Variants in TSHZ3 observed in about 807,000 individuals in gnomAD.
The protein encoded by TSHZ3 is teashirt zinc finger homeobox 3.
A neutral mutation model predicts 64.5 loss-of-function variants in TSHZ3; 10 were observed. The observed-to-expected ratio is 0.16, with a 90% CI of 0.10 to 0.26. The LOEUF (loss-of-function observed/expected upper bound fraction) is 0.26. Among genes scored for constraint, TSHZ3 ranks in the 10% least tolerant of loss-of-function variants. The pLI, the probability that TSHZ3 is intolerant of heterozygous loss-of-function variation, is 1.00. For synonymous variants in TSHZ3, 608 were observed against 593.1 expected (o/e 1.03, Z -0.36); for missense variants, 1,242 against 1,421.7 (o/e 0.87, Z 2.03).
At chr19:31,344,676 A>G (rs1917532723) in intron 1 of TSHZ3, among the ~76,000 whole-genome samples, 1 of 152,226 alleles carries the variant, frequency 6.6e-6, no homozygotes, top group African/African-American at 2.4e-5. Flanking sequence ...CAAGAGGTCC[A>G]GGCACTCTGC....
intron 3 of TSHZ3, among the ~76,000 whole-genome samples, chr19:31,241,212 A>G (rs1391125036): frequency 6.6e-6 from 1 of 152,154 alleles, no homozygotes; most frequent in African/African-American, 2.4e-5. Flanking sequence ...GCTTGGTTTT[A>G]TGTTTTTTAA....
At chr19:31,300,538 G>GA (rs1976736757) in intron 1 of TSHZ3, among the ~76,000 whole-genome samples, 2 of 152,284 alleles carry the variant, frequency 1.3e-5, no homozygotes, top group South Asian at 4.2e-4. Flanking sequence ...ACCAAAGGGT[G>GA]AATTCCTAGG....
chr19:31,236,838 C>T (rs548002423), intron 3 of TSHZ3, among the ~76,000 whole-genome samples: 1 of 152,248 alleles, frequency 6.6e-6, no homozygotes, highest in African/African-American at 2.4e-5. Flanking sequence ...AAGCAAAAAG[C>T]TTTTGTACAG....
chr19:31,210,514 C>G (rs1380621040), intron 4 of TSHZ3, among the ~76,000 whole-genome samples: 2 of 152,240 alleles, frequency 1.3e-5, no homozygotes, highest in South Asian at 4.1e-4. Context: ...GGGCCTCAGG[C>G]TGCTTCCAGG....
At chr19:31,179,821 A>T (rs955458408) in intron 5 of TSHZ3, among the ~76,000 whole-genome samples, 1 of 112,502 alleles carries the variant, frequency 8.9e-6, no homozygotes, top group African/African-American at 4.7e-5. Context: ...GGTGGTGGTG[A>T]TGATGGAGGT....
At chr19:31,245,863 A>G (rs1975752669) in intron 1 of TSHZ3, among the ~76,000 whole-genome samples, 1 of 152,180 alleles carries the variant, frequency 6.6e-6, no homozygotes, top group Non-Finnish European at 1.5e-5. Context: ...ATTGGAATCC[A>G]TTTGTAATAT....
intron 3 of TSHZ3, among the ~76,000 whole-genome samples, chr19:31,240,246 G>A (rs1456095352): frequency 2.6e-5 from 4 of 151,982 alleles, no homozygotes; most frequent in Admixed American, 6.6e-5. Flanking sequence ...CAAGCACCAC[G>A]AAAGCATTTG....
chr19:31,336,811 A>T (rs1034832950), intron 1 of TSHZ3, among the ~76,000 whole-genome samples: 1 of 152,160 alleles, frequency 6.6e-6, no homozygotes, highest in Non-Finnish European at 1.5e-5. Context: ...ACTTTGTGTC[A>T]AGCCCTTCAA....
intron 5 of TSHZ3, among the ~76,000 whole-genome samples, chr19:31,192,299 T>C (rs1974922643): frequency 6.6e-6 from 1 of 151,662 alleles, no homozygotes; most frequent in South Asian, 2.1e-4. Context: ...CTTTTGGGGG[T>C]TTCAACCACA....
At chr19:31,295,726 T>C (rs1216718758) in intron 1 of TSHZ3, among the ~76,000 whole-genome samples, 5 of 152,026 alleles carry the variant, frequency 3.3e-5, no homozygotes, top group Non-Finnish European at 7.4e-5. Context: ...CCTACACTTA[T>C]ATTCGTATGC....
intron 5 of TSHZ3, among the ~76,000 whole-genome samples, chr19:31,187,451 C>G (rs921645702): frequency 6.6e-6 from 1 of 151,614 alleles, no homozygotes; most frequent in Non-Finnish European, 1.5e-5. Context: ...TCCAATTTAT[C>G]AGTTTTCTCT....
chr19:31,285,552 G>T (rs1976445130), intron 1 of TSHZ3, among the ~76,000 whole-genome samples: 1 of 151,450 alleles, frequency 6.6e-6, no homozygotes, highest in South Asian at 2.1e-4. Flanking sequence ...GGAGGCCGAG[G>T]CTGGGAGATT....
chr19:31,285,477 C>CA (rs397859442), intron 1 of TSHZ3, among the ~76,000 whole-genome samples: 66,081 of 132,368 alleles, frequency 0.5, 16,219 homozygotes, highest in East Asian at 0.81. Context: ...GATTCTGTCT[C>CA]AAAAAAAAAA....
exon 3 of TSHZ3, among the ~76,000 whole-genome samples, chr19:31,242,318 G>T (rs1262472332): frequency 6.6e-6 from 1 of 152,220 alleles, no homozygotes; most frequent in African/African-American, 2.4e-5. Context: ...GCAAGCTGGA[G>T]ACCCAGGGAT....
chr19:31,237,410 C>A (rs1284814508), intron 3 of TSHZ3, among the ~76,000 whole-genome samples: 2 of 151,836 alleles, frequency 1.3e-5, no homozygotes. Context: ...ATTTTAAATT[C>A]TTCTAAATAT....
At chr19:31,350,605 G>A (rs549541091), upstream of TSHZ3, among the ~76,000 whole-genome samples, 1 of 151,664 alleles carries the variant, frequency 6.6e-6, no homozygotes, top group South Asian at 2.1e-4. Context: ...TAGAGGGATT[G>A]ATTATTGATT....
At chr19:31,177,315 G>A (rs914859290) in intron 5 of TSHZ3, among the ~76,000 whole-genome samples, 1 of 152,224 alleles carries the variant, frequency 6.6e-6, no homozygotes, top group Non-Finnish European at 1.5e-5. Flanking sequence ...TGTGCCCCCA[G>A]AAGCTGCAGG....
At chr19:31,158,171 G>A (rs1974329858) in intron 5 of TSHZ3, among the ~76,000 whole-genome samples, 1 of 152,160 alleles carries the variant, frequency 6.6e-6, no homozygotes, top group Admixed American at 6.5e-5. Context: ...CAAAACCATA[G>A]CTTCTAGCCA....
At chr19:31,339,640 C>T (rs1014043584) in intron 1 of TSHZ3, among the ~76,000 whole-genome samples, 5 of 152,036 alleles carry the variant, frequency 3.3e-5, no homozygotes, top group African/African-American at 1.2e-4. Context: ...AAAAGGAAAT[C>T]GACTGTTTGG....
Sources: gnomAD v4.1 joint callset for allele counts (sites outside exome capture counted in the v4.1 genomes callset) on GRCh38, gnomAD v4.1.1 for gene constraint, MANE v1.5 for transcripts, NCBI Gene and HGNC (gene_info 2026-07-23, HGNC 2026-07-21) for gene names.